CLIP4: variants seen among roughly 807,000 people sequenced by gnomAD.
CLIP4 encodes the protein CAP-Gly domain containing linker protein family member 4, also known as CAP-Gly domain-containing linker protein 4.
A neutral mutation model predicts 73.1 loss-of-function variants in CLIP4; 47 were observed. The ratio of observed to expected loss-of-function variants is 0.64; its 90% CI spans 0.51 to 0.82. The LOEUF (loss-of-function observed/expected upper bound fraction) is 0.82. CLIP4 is among the 40% of genes least tolerant of loss of function. The pLI is 0.00. For synonymous variants in CLIP4, 306 were observed against 295.4 expected (o/e 1.04, Z -0.37); for missense variants, 874 against 852.9 (o/e 1.02, Z -0.31).
At chr2:29,131,021 T>A in intron 2 of CLIP4, 1 of 941,202 alleles carries the variant, frequency 1.1e-6, no homozygotes, top group Non-Finnish European at 1.4e-6. Context: ...GAGCTTTGCT[T>A]TCCTCATGTG....
At chr2:29,122,765 G>T (rs1282695277) in intron 2 of CLIP4, among the ~76,000 whole-genome samples, 2 of 139,846 alleles carry the variant, frequency 1.4e-5, no homozygotes, top group African/African-American at 5.3e-5. Context: ...GGCAGAGGTT[G>T]CAGTGAGCTG....
chr2:29,141,927 G>A (rs1231023004), intron 6 of CLIP4, among the ~76,000 whole-genome samples: 1 of 152,068 alleles, frequency 6.6e-6, no homozygotes, highest in Non-Finnish European at 1.5e-5. Context: ...GCTTATGTAT[G>A]CTTTTGTGAC....
chr2:29,132,500 C>T (rs1665048500), intron 4 of CLIP4: 3 of 426,062 alleles, frequency 7.0e-6, no homozygotes, highest in South Asian at 9.6e-5. Context: ...ATGAGAGTAA[C>T]TAGTAACACC....
intron 14 of CLIP4, among the ~76,000 whole-genome samples, chr2:29,171,752 T>C (rs1668019627): frequency 6.6e-6 from 1 of 152,092 alleles, no homozygotes; most frequent in African/African-American, 2.4e-5. Context: ...TCTCCTGACC[T>C]TGTGATCTGC....
At chr2:29,136,679 A>G (rs1376602058) in intron 6 of CLIP4, among the ~76,000 whole-genome samples, 3 of 152,168 alleles carry the variant, frequency 2.0e-5, no homozygotes, top group Non-Finnish European at 2.9e-5. Flanking sequence ...AAGTGCTTAC[A>G]TAGGCAAGAA....
intron 2 of CLIP4, among the ~76,000 whole-genome samples, chr2:29,127,459 T>C (rs1156320282): frequency 1.3e-5 from 2 of 152,146 alleles, no homozygotes; most frequent in African/African-American, 4.8e-5. Flanking sequence ...AAAGTATTCT[T>C]CACCAAATTG....
intron 10 of CLIP4, 38 bp downstream of exon 10, chr2:29,156,481 CT>C (rs1221345924): frequency 2.4e-5 from 34 of 1,395,534 alleles, no homozygotes; most frequent in Non-Finnish European, 3.2e-5. Context: ...CAAAATTTAA[CT>C]TTTGATGGAA....
intron 4 of CLIP4, chr2:29,132,707 T>C (rs1665062205): frequency 6.5e-6 from 1 of 154,230 alleles, no homozygotes; most frequent in Non-Finnish European, 1.4e-5. Context: ...TACTTAACTA[T>C]ATATTGTGAT....
At chr2:29,159,570 G>A (rs946808573) in intron 11 of CLIP4, among the ~76,000 whole-genome samples, 5 of 151,658 alleles carry the variant, frequency 3.3e-5, no homozygotes, top group African/African-American at 1.2e-4. Flanking sequence ...CTTTTGGCTG[G>A]TCACAGTGGC....
intron 5 of CLIP4, 50 bp downstream of exon 5, chr2:29,133,866 G>T: frequency 7.1e-7 from 1 of 1,398,704 alleles, no homozygotes; most frequent in Non-Finnish European, 9.6e-7. Flanking sequence ...ACACTTTAGT[G>T]GTGGCATAAA....
At position 29,160,379 on chromosome 2, in the gene CLIP4, G is replaced by A. The variant is rs773681643; in HGVS notation, c.1446G>A (p.Glu482=). Residue 482 remains glutamate, a synonymous_variant, in exon 12 of 16, where the codon GAG becomes GAA. Coordinates refer to ENST00000320081, the MANE Select transcript of CLIP4 (RefSeq NM_024692.6). ...CTACAGCAAATAATAGCCGTTGCGA[G>A]GGGGAACTCCGCCTCGGAGAGAGAG... ...ATSTANNSRC[E]GELRLGERVL... is the part of the protein sequence containing the mutation. 6.2e-7 allele frequency: 1 copy of A among 1,614,184 alleles called. No homozygotes were observed. Among genetic ancestry groups the A allele is most frequent in the South Asian group, 1.1e-5 (1 of 91,078 alleles).
intron 8 of CLIP4, among the ~76,000 whole-genome samples, chr2:29,151,226 G>T (rs113043491): frequency 6.6e-6 from 1 of 151,990 alleles, no homozygotes; most frequent in African/African-American, 2.4e-5. Flanking sequence ...ACCTTGTAAC[G>T]TTTGTCATAC....
rs958645120 is a variant in CLIP4 at position 29,181,977 on chromosome 2, A to G, written c.*84A>G. ...GGTAAATGGTTTACTTTATTTAGCC[A>G]TATTAAAATTTTGAAAATATAGTTA... On this transcript the variant is annotated 3_prime_UTR_variant, in exon 16 of 16. Transcript: ENST00000320081. The G allele has an allele frequency of 2.5e-6, 3 of 1,211,504 alleles. No individual in the cohort carries two copies. The African/African-American group carries it at 4.6e-5, about 19-fold the overall frequency. 75.0% of individuals were successfully genotyped at this position (1,211,504 alleles called of 1,614,324 possible).
chr2:29,099,085 A>G (rs1474875283), intron 1 of CLIP4, among the ~76,000 whole-genome samples: 1 of 152,160 alleles, frequency 6.6e-6, no homozygotes, highest in Non-Finnish European at 1.5e-5. Context: ...TAAGCCTTGT[A>G]TATTTTGGAT....
chr2:29,114,439 CA>C (rs1163526633), upstream of CLIP4: 1 of 152,246 alleles, frequency 6.6e-6, no homozygotes, highest in Non-Finnish European at 1.5e-5. Flanking sequence ...GGGAGAGATG[CA>C]GGGAGCTGGA....
intron 14 of CLIP4, among the ~76,000 whole-genome samples, chr2:29,169,955 T>C (rs1667898146): frequency 6.6e-6 from 1 of 152,146 alleles, no homozygotes; most frequent in East Asian, 1.9e-4. Flanking sequence ...CATTCTACTC[T>C]CTACCTTCAC....
intron 1 of CLIP4, among the ~76,000 whole-genome samples, chr2:29,098,682 G>T (rs753947863): frequency 6.6e-6 from 1 of 152,118 alleles, no homozygotes; most frequent in African/African-American, 2.4e-5. Context: ...TTCACGTATC[G>T]GTTCTCGTGT....
chr2:29,130,258 G>C (rs1664881117), intron 2 of CLIP4, among the ~76,000 whole-genome samples: 1 of 152,120 alleles, frequency 6.6e-6, no homozygotes, highest in South Asian at 2.1e-4. Flanking sequence ...ACTGTCAAAA[G>C]AAAATTCAGG....
At chr2:29,173,960 T>G (rs1416205760) in intron 14 of CLIP4, among the ~76,000 whole-genome samples, 2 of 152,236 alleles carry the variant, frequency 1.3e-5, no homozygotes, top group East Asian at 3.8e-4. Context: ...TTCAATTTTA[T>G]TTGATTTTTA....
Sources: gnomAD v4.1 joint callset for allele counts (sites outside exome capture counted in the v4.1 genomes callset) on GRCh38, gnomAD v4.1.1 for gene constraint, MANE v1.5 for transcripts, NCBI Gene and HGNC (gene_info 2026-07-23, HGNC 2026-07-21) for gene names.